The following NFX1 variants were observed in gnomAD, a reference collection of about 807,000 sequenced individuals.
The protein encoded by NFX1 is transcriptional repressor NF-X1.
In NFX1, 69 loss-of-function variants were observed where a neutral mutation model predicts 137.2. The observed-to-expected ratio is 0.50, with a 90% confidence interval of 0.41 to 0.61. The LOEUF (loss-of-function observed/expected upper bound fraction) is 0.61, where lower values mean the gene tolerates loss of function less well. NFX1 is among the 20% of genes least tolerant of loss of function. The pLI is 0.00. For missense variants in NFX1, 1,167 were observed against 1,391.0 expected (o/e 0.84, Z 2.56); for synonymous variants, 495 against 474.1 (o/e 1.04, Z -0.57).
At chr9:33,332,599 G>A in intron 11 of NFX1, 97 bp downstream of exon 11, 1 of 812,358 alleles carries the variant, frequency 1.2e-6, no homozygotes, top group South Asian at 1.7e-5. Flanking sequence ...TCAAAATTCA[G>A]TGAAGGCATA....
intron 1 of NFX1, among the ~76,000 whole-genome samples, chr9:33,291,752 A>T (rs1006385220): frequency 1.3e-5 from 2 of 152,098 alleles, no homozygotes; most frequent in African/African-American, 4.8e-5. Flanking sequence ...AAATACAAAA[A>T]ATTAGCTGGG....
intron 11 of NFX1, among the ~76,000 whole-genome samples, chr9:33,334,159 A>G (rs965391067): frequency 6.6e-6 from 1 of 152,106 alleles, no homozygotes; most frequent in African/African-American, 2.4e-5. Context: ...AAGAAACAAG[A>G]AAAACATAAT....
chr9:33,295,005 G>T lies in NFX1; in HGVS notation c.611G>T (p.Gly204Val), dbSNP rs760142520. The T allele has an allele frequency of 9.3e-6, 15 of 1,614,046 alleles. No homozygotes were observed. The South Asian group carries it at 1.6e-4, about 18-fold the overall frequency. The change falls in exon 2 of 24, where the codon GGA becomes GTA. Residue 204 changes from glycine to valine, a missense_variant. Physicochemically the swap from Gly to Val is moderately radical, Grantham distance 109. Around this residue, in one of 3 missense-constraint regions of NFX1, gnomAD observed 367 missense variants for 386.7 expected, o/e 0.95. Transcript: ENST00000379540. ...NRTTPKPEDA[G>V]PESTKPVGVF... ...ACAACTCCAAAACCGGAGGATGCTG[G>T]ACCCGAAAGTACCAAACCTGTGGGG...
chr9:33,295,548 A>G (rs1042457504), intron 2 of NFX1, 121 bp downstream of exon 2: 15 of 1,163,100 alleles, frequency 1.3e-5, no homozygotes, highest in Admixed American at 2.8e-5. Context: ...AAAAGTCTCA[A>G]TCTTTATTCA....
At chr9:33,314,981 T>A (rs1288969973) in intron 7 of NFX1, among the ~76,000 whole-genome samples, 2 of 152,238 alleles carry the variant, frequency 1.3e-5, no homozygotes, top group African/African-American at 2.4e-5. Context: ...AAAAATTTTT[T>A]AATTGTGAAT....
chr9:33,290,693 A>T, intron 1 of NFX1, 96 bp downstream of exon 1: 1 of 1,203,708 alleles, frequency 8.3e-7, no homozygotes, highest in South Asian at 1.4e-5. Flanking sequence ...ATATCGCGAG[A>T]GTAGCACATG....
chr9:33,292,809 A>G (rs889575580), intron 1 of NFX1, among the ~76,000 whole-genome samples: 1 of 152,122 alleles, frequency 6.6e-6, no homozygotes, highest in African/African-American at 2.4e-5. Context: ...AGACATCTTT[A>G]CTGATCTTAT....
Position 33,319,054 on chromosome 9 carries a change from T to C in NFX1, c.1833T>C (p.Ser611=). The C allele has an allele frequency of 1.9e-6, 3 of 1,614,216 alleles. No homozygotes were observed. Among genetic ancestry groups the C allele is most frequent in the Non-Finnish European group, 2.5e-6 (3 of 1,180,038 alleles). Residue 611 remains serine (S), a synonymous_variant, in exon 9 of 24, where the codon AGT becomes AGC. Coordinates refer to ENST00000379540, the MANE Select transcript of NFX1 (RefSeq NM_002504.6). The part of the protein sequence containing the change: ...LSQLLELGSS[S]RKTCMDPVPS... ...AATTGCTAGAACTTGGAAGTAGTAG[T>C]CGGAAAACATGCATGGACCCTGTGC... is the stretch of plus-strand genomic sequence containing the variant.
At chr9:33,292,486 G>A (rs1043333617) in intron 1 of NFX1, among the ~76,000 whole-genome samples, 3 of 152,160 alleles carry the variant, frequency 2.0e-5, no homozygotes, top group Non-Finnish European at 2.9e-5. Context: ...TGTTATCTTG[G>A]ATTTAGGGTA....
At chr9:33,368,753 G>A (rs539429569) in intron 23 of NFX1, among the ~76,000 whole-genome samples, 5 of 152,298 alleles carry the variant, frequency 3.3e-5, no homozygotes, top group African/African-American at 1.2e-4. Context: ...TCTGAAGGGT[G>A]GTTACGGCAG....
At chr9:33,291,878 G>A (rs1364210009) in intron 1 of NFX1, among the ~76,000 whole-genome samples, 1 of 152,184 alleles carries the variant, frequency 6.6e-6, no homozygotes, top group Admixed American at 6.5e-5. Flanking sequence ...ACTCCAGCCT[G>A]GGCGACAGAG....
At chr9:33,327,199 A>AT (rs1254250782) in intron 9 of NFX1, among the ~76,000 whole-genome samples, 9 of 152,178 alleles carry the variant, frequency 5.9e-5, no homozygotes, top group Admixed American at 6.5e-5. Context: ...TGATTTATTT[A>AT]TTTTTTATAG....
At chr9:33,317,419 C>CAAAAAAAAAAA (rs761378780) in intron 7 of NFX1, among the ~76,000 whole-genome samples, 1 of 54,334 alleles carries the variant, frequency 1.8e-5, no homozygotes, top group African/African-American at 6.6e-5. Context: ...GCCCTGTCTC[C>CAAAAAAAAAAA]AAAAAAAAAA....
At chr9:33,364,169 A>T (rs950133360) in intron 20 of NFX1, 61 bp downstream of exon 20, 3 of 1,168,128 alleles carry the variant, frequency 2.6e-6, no homozygotes, top group African/African-American at 1.5e-5. Flanking sequence ...GTCTTTTGAG[A>T]TGTCATAACT....
At chr9:33,357,457 A>G (rs1377822085) in intron 19 of NFX1, among the ~76,000 whole-genome samples, 2 of 152,074 alleles carry the variant, frequency 1.3e-5, no homozygotes, top group East Asian at 1.9e-4. Context: ...ATCCTCAACC[A>G]TGACTTTTCT....
intron 11 of NFX1, among the ~76,000 whole-genome samples, chr9:33,333,646 C>T (rs1381962804): frequency 6.6e-6 from 1 of 152,172 alleles, no homozygotes; most frequent in East Asian, 1.9e-4. Flanking sequence ...ATGGAATTAC[C>T]ATGGTGGGTA....
intron 17 of NFX1, 59 bp from the exon 18 acceptor site, chr9:33,354,027 A>G: frequency 6.8e-7 from 1 of 1,478,754 alleles, no homozygotes; most frequent in Non-Finnish European, 9.2e-7. Flanking sequence ...TATCCCAAGT[A>G]TAAGGAGGTT....
chr9:33,345,095 G>A (rs1823368284), intron 14 of NFX1, among the ~76,000 whole-genome samples: 1 of 152,144 alleles, frequency 6.6e-6, no homozygotes, highest in Non-Finnish European at 1.5e-5. Flanking sequence ...CCGGGAGGCA[G>A]AGGTTGCAGT....
chr9:33,326,194 C>T (rs574846473), intron 9 of NFX1, among the ~76,000 whole-genome samples: 1 of 152,186 alleles, frequency 6.6e-6, no homozygotes, highest in African/African-American at 2.4e-5. Flanking sequence ...GGGCAGATCA[C>T]TTGATGTCAG....
Sources: allele counts gnomAD v4.1 joint callset (sites outside exome capture counted in the v4.1 genomes callset), GRCh38; gene constraint gnomAD v4.1.1; regional missense constraint gnomAD v4.1.1; transcripts MANE v1.5; gene names NCBI Gene and HGNC (gene_info 2026-07-23, HGNC 2026-07-21).